Variants in KCNMA1 observed in about 807,000 individuals in gnomAD.
KCNMA1 encodes the protein Calcium-activated potassium channel subunit alpha-1.
KCNMA1 carries 29 observed loss-of-function variants against 140.0 expected under a neutral mutation model. That is an observed-to-expected ratio of 0.21 (90% CI 0.15 to 0.28). The LOEUF is 0.28. Ranked by LOEUF, KCNMA1 falls within the 10% of genes least tolerant of loss-of-function variation. The probability of loss-of-function intolerance (pLI) is 1.00; values close to 1 mark genes in which losing one functional copy is unlikely to be tolerated. For missense variants in KCNMA1, 880 were observed against 1,602.2 expected (o/e 0.55, Z 7.70); for synonymous variants, 612 against 611.9 (o/e 1.00, Z 0.00).
chr10:76,920,010 G>GTATA (rs2054716207), intron 23 of KCNMA1, among the ~76,000 whole-genome samples: 3 of 54,808 alleles, frequency 5.5e-5, no homozygotes, highest in Non-Finnish European at 9.4e-5. Context: ...GTGTGTGTGT[G>GTATA]TGTGTGTGTG....
intron 14 of KCNMA1, among the ~76,000 whole-genome samples, chr10:77,060,302 C>T (rs539247306): frequency 2.2e-3 from 329 of 152,246 alleles, no homozygotes; most frequent in South Asian, 3.5e-3. Context: ...TTTGTAATGC[C>T]CATTTTAAGC....
At chr10:77,534,970 C>G (rs1401999078) in intron 1 of KCNMA1, among the ~76,000 whole-genome samples, 4 of 152,176 alleles carry the variant, frequency 2.6e-5, no homozygotes, top group Non-Finnish European at 5.9e-5. Context: ...CCATATATAC[C>G]TACAACCTAT....
chr10:77,071,153 T>C (rs2096194330), intron 14 of KCNMA1: 1 of 152,240 alleles, frequency 6.6e-6, no homozygotes, highest in Admixed American at 6.5e-5. Flanking sequence ...TCCTTGGCTT[T>C]AGAGGTGAGG....
At chr10:77,622,934 G>C (rs903184208) in intron 1 of KCNMA1, among the ~76,000 whole-genome samples, 3 of 152,204 alleles carry the variant, frequency 2.0e-5, no homozygotes, top group Admixed American at 2.0e-4. Flanking sequence ...CTTAGAGACC[G>C]GAGGTTCTTG....
intron 23 of KCNMA1, among the ~76,000 whole-genome samples, chr10:76,938,633 T>C (rs999370438): frequency 1.3e-5 from 2 of 152,158 alleles, no homozygotes; most frequent in Admixed American, 6.5e-5. Flanking sequence ...ATTTACAGCT[T>C]CCTAACTCAT....
At chr10:77,080,734 C>G (rs1397626039) in intron 12 of KCNMA1, among the ~76,000 whole-genome samples, 1 of 152,208 alleles carries the variant, frequency 6.6e-6, no homozygotes, top group Admixed American at 6.5e-5. Context: ...ATCATGGGGC[C>G]TCCAGAGGTT....
At chr10:77,591,513 G>A (rs1199856116) in intron 1 of KCNMA1, among the ~76,000 whole-genome samples, 2 of 152,230 alleles carry the variant, frequency 1.3e-5, no homozygotes, top group East Asian at 1.9e-4. Context: ...TGGAACTGCT[G>A]TTGGAAGTTC....
At chr10:77,010,438 G>A (rs17479797) in intron 18 of KCNMA1, among the ~76,000 whole-genome samples, 20,537 of 151,970 alleles carry the variant, frequency 0.14, 1,499 homozygotes, top group Non-Finnish European at 0.16. Flanking sequence ...TGCTCTTCTC[G>A]GTAGGTTGTC....
intron 1 of KCNMA1, among the ~76,000 whole-genome samples, chr10:77,412,844 TTTTTG>T (rs566706184): frequency 5.3e-5 from 8 of 152,240 alleles, no homozygotes; most frequent in Non-Finnish European, 7.4e-5. Context: ...TGTTAGCTTT[TTTTTG>T]TTTTGTTTTG....
intron 2 of KCNMA1, among the ~76,000 whole-genome samples, chr10:77,347,127 T>A (rs1486150423): frequency 6.6e-6 from 1 of 152,156 alleles, no homozygotes; most frequent in East Asian, 1.9e-4. Context: ...AATATCCTGA[T>A]GTGTTGTGAG....
intron 14 of KCNMA1, among the ~76,000 whole-genome samples, chr10:77,047,805 A>G (rs1432724343): frequency 2.0e-5 from 3 of 152,278 alleles, no homozygotes; most frequent in Admixed American, 1.3e-4. Context: ...ACCACTGAAA[A>G]TAATTCTTAT....
intron 5 of KCNMA1, among the ~76,000 whole-genome samples, chr10:77,149,586 CTT>C (rs2098382128): frequency 6.6e-6 from 1 of 152,160 alleles, no homozygotes; most frequent in African/African-American, 2.4e-5. Flanking sequence ...TTTGCCAACT[CTT>C]TTAGGCAGTT....
At chr10:77,275,714 G>A (rs573818765) in intron 2 of KCNMA1, among the ~76,000 whole-genome samples, 1 of 152,336 alleles carries the variant, frequency 6.6e-6, no homozygotes, top group East Asian at 1.9e-4. Context: ...CCTGCAGGAA[G>A]TTGTGAGCAG....
intron 2 of KCNMA1, among the ~76,000 whole-genome samples, chr10:77,261,343 C>A (rs1008722765): frequency 6.6e-6 from 1 of 152,118 alleles, no homozygotes; most frequent in African/African-American, 2.4e-5. Context: ...TTTTTTAATG[C>A]TCCCCAAAGA....
chr10:77,191,358 T>C (rs1350969244), intron 3 of KCNMA1, among the ~76,000 whole-genome samples: 1 of 152,210 alleles, frequency 6.6e-6, no homozygotes, highest in Non-Finnish European at 1.5e-5. Context: ...ATAATATTTA[T>C]ATAGAACATT....
intron 1 of KCNMA1, among the ~76,000 whole-genome samples, chr10:77,618,587 G>C (rs1487306100): frequency 2.0e-5 from 3 of 152,144 alleles, no homozygotes; most frequent in Admixed American, 2.0e-4. Flanking sequence ...CATAGCTACT[G>C]GTTCTTCAGG....
chr10:77,206,480 C>T lies in KCNMA1; in HGVS notation c.603-21564G>A, dbSNP rs1427721578. On this transcript the variant is annotated intron_variant, in intron 3 of 27. Coordinates refer to ENST00000286628, the MANE Select transcript of KCNMA1 (RefSeq NM_001161352.2). ...TGTTACCTGTTGTCAAATGTAAAGT[C>T]ATGCGCCAAACTTCTATCTGCTCTT... Among the ~76,000 whole-genome samples, 4 of 152,286 alleles carry T rather than the reference C, an allele frequency of 2.6e-5. No individual in the cohort carries two copies. The East Asian group carries it at 7.7e-4, about 29-fold the overall frequency.
chr10:77,400,758 C>T (rs40142), intron 2 of KCNMA1, among the ~76,000 whole-genome samples: 148,702 of 152,274 alleles, frequency 0.98, 72,654 homozygotes, highest in East Asian at 1. Context: ...TAAGGAGATA[C>T]GGAAGAAATA....
At chr10:77,530,262 C>T (rs1215317358) in intron 1 of KCNMA1, among the ~76,000 whole-genome samples, 1 of 152,150 alleles carries the variant, frequency 6.6e-6, no homozygotes, top group African/African-American at 2.4e-5. Context: ...GACAGAGGGA[C>T]AAGGAAAGAG....
Sources: allele counts gnomAD v4.1 joint callset (sites outside exome capture counted in the v4.1 genomes callset), GRCh38; gene constraint gnomAD v4.1.1; transcripts MANE v1.5; gene names NCBI Gene and HGNC (gene_info 2026-07-23, HGNC 2026-07-21).